SLC22A16: variants seen among roughly 807,000 people sequenced by gnomAD.
SLC22A16 encodes the protein WUGSC:RG331P03.1.
Under a neutral mutation model 52.9 loss-of-function variants are expected in SLC22A16, and 53 were observed. The observed-to-expected ratio is 1.00, with a 90% CI of 0.80 to 1.26. The LOEUF is 1.26. Among genes scored for constraint, SLC22A16 ranks in the 50% most tolerant of loss-of-function variants. The pLI is 0.00. For missense variants in SLC22A16, 726 were observed against 704.0 expected (o/e 1.03, Z -0.35); for synonymous variants, 291 against 268.8 (o/e 1.08, Z -0.81).
At chr6:110,457,124 G>T in intron 1 of SLC22A16, 107 bp from the exon 2 acceptor site, 2 of 996,482 alleles carry the variant, frequency 2.0e-6, no homozygotes, top group Non-Finnish European at 2.9e-6. Flanking sequence ...ATACACGAAT[G>T]GATAAATATA....
chr6:110,427,054 C>A lies in SLC22A16; in HGVS notation c.1522-1969G>T, dbSNP rs1274003657. Among the ~76,000 whole-genome samples the A allele has an allele frequency of 2.6e-5, 4 of 151,624 alleles. No individual in the cohort carries two copies. The East Asian group carries it at 7.8e-4, about 29-fold the overall frequency. ...ATCACGTGAGGTCAGGAGTTTGAGA[C>A]CAGCCTGGGCAATATGGTGAAATTC... On this transcript the variant is annotated intron_variant, in intron 7 of 7. Coordinates refer to ENST00000368919, the MANE Select transcript of SLC22A16 (RefSeq NM_033125.4).
rs190120387 is a variant in SLC22A16, at chr6:110,464,385, A to C, written c.54-7368T>G. Among the ~76,000 whole-genome samples, 405 of 152,224 alleles carry C rather than the reference A, an allele frequency of 2.7e-3. 5 individuals are homozygous for C. Among genetic ancestry groups the C allele is most frequent in the African/African-American group, 9.5e-3 (396 of 41,574 alleles). On this transcript the variant is annotated intron_variant, in intron 1 of 7. Transcript: ENST00000368919. ...AAGTTGGTTCTCTGAAAAGGTAAAC[A>C]AAATTGTTAGACGGCTAGCTAGACT...
Position 110,457,342 on chromosome 6 carries a change from A to G in SLC22A16, c.54-325T>C, listed in dbSNP as rs1775701915. ...AAAGCCAGGAAAAGAAGAATACAAAATAAGCCTGGAATATCTTACAATACC... is the reference window on the plus strand; with the variant it reads ...AAAGCCAGGAAAAGAAGAATACAAAGTAAGCCTGGAATATCTTACAATACC... On this transcript the variant is annotated intron_variant, in intron 1 of 7. Transcript: ENST00000368919. Among the ~76,000 whole-genome samples the G allele has an allele frequency of 2.6e-5, 4 of 152,140 alleles. No homozygotes were observed. In the South Asian group the frequency reaches 8.3e-4, roughly 31 times the overall value.
At chr6:110,463,555 C>T (rs1775966161) in intron 1 of SLC22A16, among the ~76,000 whole-genome samples, 1 of 133,494 alleles carries the variant, frequency 7.5e-6, no homozygotes, top group Admixed American at 7.5e-5. Flanking sequence ...ATAGCATTAT[C>T]CAATGATACA....
In SLC22A16 at chr6:110,456,892, T is replaced by G; in HGVS notation, c.179A>C (p.Gln60Pro). The G allele has an allele frequency of 6.2e-7, 1 of 1,614,050 alleles. No homozygotes were observed. The highest frequency in any genetic ancestry group is 8.5e-7 in the Non-Finnish European group (1 of 1,179,950). The change falls in exon 2 of 8, where the codon CAG becomes CCG. Residue 60 changes from glutamine to proline, a missense_variant. Physicochemically the swap from Gln to Pro is moderately conservative, Grantham distance 76. Coordinates refer to ENST00000368919, the MANE Select transcript of SLC22A16 (RefSeq NM_033125.4). Reference sequence around the variant, plus strand: ...ATTAGAGTGATTATGGAAAACAACCTGACTCACATTGCCTGGGGGCCTGCA... The same window carrying G: ...ATTAGAGTGATTATGGAAAACAACCGGACTCACATTGCCTGGGGGCCTGCA... ...HVCRPPGNVS[Q>P]VVFHNHSNWS...
In SLC22A16 at chr6:110,456,820, T is replaced by A; in HGVS notation, c.251A>T (p.Asp84Val). ...ATTCTGCAACTGCACCGTAACATAA[T>A]CTTTCTGGCCTGAAGACAACAGGGC... Reference protein sequence around the residue: ...TGALLSSGQKDYVTVQLQNGE... With the variant: ...TGALLSSGQKVYVTVQLQNGE... Residue 84 changes from aspartate (D) to valine (V), a missense_variant, in exon 2 of 8, where the codon GAT (aspartate) becomes GTT (valine). By Grantham distance (152) the Asp-to-Val change is radical (BLOSUM62 -3). Transcript: ENST00000368919. 6.2e-7 allele frequency: 1 copy of A among 1,614,210 alleles called. No individual in the cohort carries two copies. The highest frequency in any genetic ancestry group is 8.5e-7 in the Non-Finnish European group (1 of 1,180,034).
chr6:110,455,335 A>G (rs1275702037), intron 2 of SLC22A16: 1 of 152,142 alleles, frequency 6.6e-6, no homozygotes, highest in Non-Finnish European at 1.5e-5. Flanking sequence ...GATAATTTGT[A>G]TAACAGCTTG....
At chr6:110,439,069 C>A (rs1774860513) in intron 4 of SLC22A16, among the ~76,000 whole-genome samples, 1 of 152,206 alleles carries the variant, frequency 6.6e-6, no homozygotes, top group African/African-American at 2.4e-5. Flanking sequence ...TGCTCATAAT[C>A]CGCCTGGCAC....
rs147384267 is a variant in SLC22A16, at chr6:110,473,052, C to T, written c.53+3470G>A. ...AGGGACCATGAGCAAGATCCTTAGC[C>T]TTTCTGTGCCTCAGTTTCCTCATCT... On this transcript the variant is annotated intron_variant, in intron 1 of 7. Transcript: ENST00000368919. Among the ~76,000 whole-genome samples the T allele has an allele frequency of 5.0e-3, 762 of 152,234 alleles. 2 individuals carry two copies. The highest frequency in any genetic ancestry group is 0.02 in the Middle Eastern group (6 of 294).
At chr6:110,434,994 ATCCCCAGTG>A (rs1774668248) in intron 6 of SLC22A16, among the ~76,000 whole-genome samples, 1 of 152,104 alleles carries the variant, frequency 6.6e-6, no homozygotes, top group African/African-American at 2.4e-5. Flanking sequence ...AGAAAAAAAA[ATCCCCAGTG>A]TCATTCTTGG....
intron 1 of SLC22A16, 116 bp from the exon 2 acceptor site, chr6:110,457,133 T>C (rs911881691): frequency 2.1e-6 from 2 of 953,158 alleles, no homozygotes; most frequent in Non-Finnish European, 1.5e-6. Context: ...TGGATAAATA[T>C]AGAAATAATT....
intron 1 of SLC22A16, among the ~76,000 whole-genome samples, chr6:110,457,397 A>C (rs1775704507): frequency 1.3e-5 from 2 of 152,204 alleles, no homozygotes; most frequent in Non-Finnish European, 2.9e-5. Context: ...AAAAAACAAA[A>C]GGATAAGGGC....
intron 1 of SLC22A16, among the ~76,000 whole-genome samples, chr6:110,460,730 C>T (rs9481076): frequency 0.12 from 18,376 of 152,104 alleles, 1,305 homozygotes; most frequent in African/African-American, 0.2. Context: ...CAACCTCAGC[C>T]TTTGTGATAT....
intron 1 of SLC22A16, chr6:110,475,008 A>G (rs747996281): frequency 5.8e-6 from 3 of 518,824 alleles, no homozygotes; most frequent in Admixed American, 3.9e-5. Flanking sequence ...CTATTTGAAA[A>G]CATTTGTACT....
intron 1 of SLC22A16, among the ~76,000 whole-genome samples, chr6:110,463,824 A>T (rs1208764621): frequency 6.6e-6 from 1 of 151,736 alleles, no homozygotes; most frequent in African/African-American, 2.4e-5. Context: ...CCACCCAACA[A>T]CCACAGAATA....
intron 1 of SLC22A16, among the ~76,000 whole-genome samples, chr6:110,460,019 G>A (rs915222908): frequency 6.6e-6 from 1 of 152,170 alleles, no homozygotes; most frequent in African/African-American, 2.4e-5. Context: ...ATTGAAAACA[G>A]AATCAGTTAA....
Position 110,425,437 on chromosome 6 carries a change from T to C in SLC22A16, c.1522-352A>G, listed in dbSNP as rs553023551. ...CCCATCTTTCCAGACCCCAGAATCT[T>C]GTGGAGAAGACAAGTAACTGAGCCC... On this transcript the variant is annotated intron_variant, in intron 7 of 7. Coordinates refer to ENST00000368919, the MANE Select transcript of SLC22A16 (RefSeq NM_033125.4). 4.6e-6 allele frequency: 6 copies of C among 1,307,432 alleles called. No individual in the cohort carries two copies. In the East Asian group the frequency reaches 2.7e-4, roughly 59 times the overall value. The allele number at this position is 1,307,432 out of a possible 1,614,324, so 81.0% of individuals were successfully genotyped here. A position where few individuals can be genotyped will look rare whatever the true frequency, so the allele number is the denominator to read the frequency against.
At chr6:110,473,922 C>T (rs572642304) in intron 1 of SLC22A16, among the ~76,000 whole-genome samples, 1 of 152,056 alleles carries the variant, frequency 6.6e-6, no homozygotes, top group East Asian at 1.9e-4. Flanking sequence ...CTGTAGGGGT[C>T]CCAAAGCCCC....
At chr6:110,434,369 G>A (rs1167079831) in intron 6 of SLC22A16, among the ~76,000 whole-genome samples, 1 of 152,128 alleles carries the variant, frequency 6.6e-6, no homozygotes, top group East Asian at 1.9e-4. Flanking sequence ...CTGGACATGA[G>A]GGCTGCAACA....
Sources: allele counts gnomAD v4.1 joint callset (sites outside exome capture counted in the v4.1 genomes callset), GRCh38; gene constraint gnomAD v4.1.1; transcripts MANE v1.5; gene names NCBI Gene and HGNC (gene_info 2026-07-23, HGNC 2026-07-21).